Variants in PHF8 observed in about 807,000 individuals in gnomAD.
The protein encoded by PHF8 is histone lysine demethylase PHF8.
In PHF8, 9 loss-of-function variants were observed where a neutral mutation model predicts 74.4. The ratio of observed to expected loss-of-function variants is 0.12; its 90% CI spans 0.07 to 0.21. The LOEUF (loss-of-function observed/expected upper bound fraction) is 0.21, where lower values mean the gene tolerates loss of function less well. Among genes scored for constraint, PHF8 ranks in the 10% least tolerant of loss-of-function variants. The pLI, the probability that PHF8 is intolerant of heterozygous loss-of-function variation, is 1.00. For synonymous variants in PHF8, 311 were observed against 316.6 expected (o/e 0.98, Z 0.19); for missense variants, 478 against 816.6 (o/e 0.59, Z 5.05).
chrX:54,019,661 C>T (rs1279969786), intron 4 of PHF8, among the ~76,000 whole-genome samples: 2 of 106,335 alleles, frequency 1.9e-5, no homozygotes, highest in Admixed American at 2.1e-4. Flanking sequence ...CATGGTGGTA[C>T]GTGCCTGTAA....
rs2064693793 is a variant in PHF8, at chrX:53,938,078, A to T, written c.*1080T>A. 8.6e-7 allele frequency: 1 copy of T among 1,158,775 alleles called. No homozygotes were observed. The highest frequency in any genetic ancestry group is 2.6e-5 in the Admixed American group (1 of 38,011). On this transcript the variant is annotated 3_prime_UTR_variant, in exon 22 of 22. Transcript: ENST00000338154. The stretch of plus-strand genomic sequence containing the variant: ...CTGTCGTCTGGAAGTGCAAAGGCCC[A>T]GGAGTGAAGATGTGAGTCCTGAGGT...
chrX:53,965,908 G>A (rs1746017403), intron 18 of PHF8, among the ~76,000 whole-genome samples: 1 of 109,586 alleles, frequency 9.1e-6, no homozygotes, highest in African/African-American at 3.3e-5. Flanking sequence ...CATTTACGGG[G>A]GAAAAAAAAA....
chrX:53,978,038 C>T (rs1420407515), intron 18 of PHF8, among the ~76,000 whole-genome samples: 1 of 104,697 alleles, frequency 9.6e-6, no homozygotes, highest in Non-Finnish European at 2.0e-5. Flanking sequence ...CTCCACCTCC[C>T]AGGTTGAAGC....
chrX:53,967,178 G>A (rs1363528187), intron 18 of PHF8, among the ~76,000 whole-genome samples: 2 of 107,994 alleles, frequency 1.9e-5, no homozygotes, highest in African/African-American at 6.7e-5. Context: ...CGCCCCGTCC[G>A]GGAGGTGAGG....
chrX:53,996,446 T>C (rs1286186942), intron 11 of PHF8, among the ~76,000 whole-genome samples: 2 of 109,343 alleles, frequency 1.8e-5, no homozygotes, highest in Non-Finnish European at 3.8e-5. Flanking sequence ...TTTTTTTTTT[T>C]AGCTCATCAG....
At chrX:54,039,088 C>T (rs1222528823) in intron 2 of PHF8, among the ~76,000 whole-genome samples, 1 of 101,943 alleles carries the variant, frequency 9.8e-6, no homozygotes, top group Admixed American at 1.1e-4. Context: ...GAACCAAGAT[C>T]GTGCCACTGC....
intron 14 of PHF8, among the ~76,000 whole-genome samples, chrX:53,992,044 A>G (rs1557101526): frequency 8.9e-6 from 1 of 112,113 alleles, no homozygotes; most frequent in Non-Finnish European, 1.9e-5. Context: ...CCTCTTCAAA[A>G]AATACAAATG....
intron 18 of PHF8, among the ~76,000 whole-genome samples, chrX:53,976,369 T>C (rs1362637532): frequency 9.0e-6 from 1 of 110,536 alleles, no homozygotes; most frequent in Non-Finnish European, 1.9e-5. Context: ...AGGTCTCAAA[T>C]AAATAATCTA....
At chrX:53,972,355 A>ACTT (rs1345266344) in intron 18 of PHF8, among the ~76,000 whole-genome samples, 26 of 107,715 alleles carry the variant, frequency 2.4e-4, no homozygotes, top group African/African-American at 8.8e-4. Context: ...GAAAAAGAAA[A>ACTT]CTTCAAGCCA....
intron 2 of PHF8, among the ~76,000 whole-genome samples, chrX:54,037,477 G>A (rs782639649): frequency 8.9e-6 from 1 of 111,768 alleles, no homozygotes; most frequent in South Asian, 3.7e-4. Context: ...GAACTCTTGG[G>A]CTTAAGCAAT....
intron 19 of PHF8, among the ~76,000 whole-genome samples, chrX:53,961,529 G>T (rs2065105662): frequency 9.0e-6 from 1 of 111,226 alleles, no homozygotes; most frequent in African/African-American, 3.3e-5. Context: ...GTTTCACCAT[G>T]TCGGTCAGGC....
At chrX:53,955,086 C>A (rs919806486) in intron 19 of PHF8, among the ~76,000 whole-genome samples, 1 of 111,303 alleles carries the variant, frequency 9.0e-6, no homozygotes, top group African/African-American at 3.3e-5. Context: ...TTTCTCAGTA[C>A]ATTATGGTTA....
At chrX:54,042,025 G>C (rs1030595802) in intron 2 of PHF8, among the ~76,000 whole-genome samples, 5 of 111,995 alleles carry the variant, frequency 4.5e-5, no homozygotes, top group African/African-American at 1.3e-4. Flanking sequence ...AATGATGACC[G>C]GGCACGGTGG....
chrX:54,018,054 CAAG>C (rs1332259476), intron 4 of PHF8, among the ~76,000 whole-genome samples: 1 of 111,607 alleles, frequency 9.0e-6, no homozygotes, highest in East Asian at 2.8e-4. Flanking sequence ...CTCTGGGTGA[CAAG>C]AAGAAATCAG....
chrX:53,975,770 G>A (rs1557095869), intron 18 of PHF8, among the ~76,000 whole-genome samples: 1 of 111,608 alleles, frequency 9.0e-6, no homozygotes, highest in African/African-American at 3.3e-5. Context: ...CAAAAATACA[G>A]TTAGATAGAA....
chrX:53,972,624 C>G (rs1000689547), intron 18 of PHF8, among the ~76,000 whole-genome samples: 1 of 111,516 alleles, frequency 9.0e-6, no homozygotes, highest in Admixed American at 9.7e-5. Context: ...TCTCAATTAT[C>G]TAGGTACTGA....
upstream of PHF8, chrX:54,048,843 A>G (rs939581525): frequency 2.7e-5 from 3 of 112,637 alleles, no homozygotes; most frequent in African/African-American, 6.5e-5. Context: ...CATTCCCATT[A>G]TAAACATTCA....
intron 19 of PHF8, among the ~76,000 whole-genome samples, chrX:53,954,499 C>CAAAAAA (rs1180184175): frequency 5.4e-3 from 70 of 13,032 alleles, no homozygotes; most frequent in African/African-American, 7.8e-3. Context: ...GACTCTGTCT[C>CAAAAAA]AAAAAAAAAA....
At chrX:54,039,774 A>T (rs1318517674) in intron 2 of PHF8, 1 of 112,707 alleles carries the variant, frequency 8.9e-6, no homozygotes, top group Non-Finnish European at 1.9e-5. Context: ...CCATAAAGGA[A>T]ATTACCAAAT....
Sources: allele counts gnomAD v4.1 joint callset (sites outside exome capture counted in the v4.1 genomes callset), GRCh38; gene constraint gnomAD v4.1.1; transcripts MANE v1.5; gene names NCBI Gene and HGNC (gene_info 2026-07-23, HGNC 2026-07-21).